NEGR1: variants seen among roughly 807,000 people sequenced by gnomAD.
NEGR1 encodes IgLON family member 4.
A neutral mutation model predicts 40.9 loss-of-function variants in NEGR1; 10 were observed. That is an observed-to-expected ratio of 0.24 (90% CI 0.15 to 0.42). The LOEUF (loss-of-function observed/expected upper bound fraction) is 0.42, where lower values mean the gene tolerates loss of function less well. Ranked by LOEUF, NEGR1 falls within the 10% of genes least tolerant of loss-of-function variation. NEGR1 has a pLI of 1.00. For missense variants in NEGR1, 352 were observed against 438.9 expected (o/e 0.80, Z 1.77); for synonymous variants, 185 against 166.8 (o/e 1.11, Z -0.84).
At chr1:71,868,471 A>AATACATACATACATAC (rs56859630) in intron 2 of NEGR1, among the ~76,000 whole-genome samples, 2 of 148,022 alleles carry the variant, frequency 1.4e-5, no homozygotes, top group African/African-American at 2.5e-5. Flanking sequence ...AGATAGACAG[A>AATACATACATACATAC]ATACATACAT....
intron 6 of NEGR1, among the ~76,000 whole-genome samples, chr1:71,486,036 A>G (rs1646885709): frequency 6.6e-6 from 1 of 151,642 alleles, no homozygotes; most frequent in Admixed American, 6.6e-5. Context: ...ACAATTTTGC[A>G]TGTCTACCAG....
At chr1:72,027,666 A>T (rs1646823763) in intron 1 of NEGR1, among the ~76,000 whole-genome samples, 1 of 152,242 alleles carries the variant, frequency 6.6e-6, no homozygotes. Flanking sequence ...TGTTAAAGCT[A>T]TATAAATAAT....
At chr1:71,831,972 G>T (rs111678799) in intron 2 of NEGR1, among the ~76,000 whole-genome samples, 23 of 151,878 alleles carry the variant, frequency 1.5e-4, no homozygotes, top group African/African-American at 5.1e-4. Context: ...GTTTTGAACG[G>T]GGAGTAACAG....
chr1:72,222,897 A>G (rs181487402), intron 1 of NEGR1, among the ~76,000 whole-genome samples: 1 of 152,254 alleles, frequency 6.6e-6, no homozygotes, highest in African/African-American at 2.4e-5. Flanking sequence ...GGTGTCAGAC[A>G]TGTGAGTGAA....
At chr1:71,627,826 T>C (rs1650837306) in intron 4 of NEGR1, among the ~76,000 whole-genome samples, 1 of 152,086 alleles carries the variant, frequency 6.6e-6, no homozygotes, top group South Asian at 2.1e-4. Context: ...GTTTGTTTTA[T>C]CTTCTGTTGA....
At chr1:71,450,471 G>A (rs1646618929) in intron 6 of NEGR1, among the ~76,000 whole-genome samples, 1 of 152,126 alleles carries the variant, frequency 6.6e-6, no homozygotes, top group Admixed American at 6.5e-5. Context: ...AATATTGAAA[G>A]AGATTTAATG....
At chr1:72,278,542 A>G (rs1453693633) in intron 1 of NEGR1, among the ~76,000 whole-genome samples, 1 of 152,108 alleles carries the variant, frequency 6.6e-6, no homozygotes, top group Non-Finnish European at 1.5e-5. Flanking sequence ...TATTAAAGTG[A>G]CTGCAAAATG....
intron 4 of NEGR1, among the ~76,000 whole-genome samples, chr1:71,647,521 T>C (rs1031699498): frequency 6.6e-6 from 1 of 151,894 alleles, no homozygotes; most frequent in Non-Finnish European, 1.5e-5. Context: ...CATAAGTAGA[T>C]GGTGTTAGTA....
chr1:71,914,713 C>T (rs533666802), intron 2 of NEGR1, among the ~76,000 whole-genome samples: 1 of 152,252 alleles, frequency 6.6e-6, no homozygotes, highest in Admixed American at 6.5e-5. Flanking sequence ...TTTGAGTAGC[C>T]TCCTGATGGG....
At chr1:71,507,989 A>G (rs1482076297) in intron 6 of NEGR1, among the ~76,000 whole-genome samples, 2 of 152,056 alleles carry the variant, frequency 1.3e-5, no homozygotes, top group African/African-American at 4.8e-5. Flanking sequence ...TCTCCCCCAC[A>G]AGTTATTATA....
intron 6 of NEGR1, among the ~76,000 whole-genome samples, chr1:71,568,452 T>TC (rs1385452168): frequency 6.6e-6 from 1 of 152,194 alleles, no homozygotes; most frequent in Non-Finnish European, 1.5e-5. Context: ...CCTGAGGACC[T>TC]TGGAGGTTAT....
chr1:71,922,379 A>G (rs1394513663), intron 2 of NEGR1, among the ~76,000 whole-genome samples: 1 of 152,224 alleles, frequency 6.6e-6, no homozygotes, highest in Non-Finnish European at 1.5e-5. Flanking sequence ...AACATAGAGC[A>G]TAGCAAGAGA....
intron 6 of NEGR1, among the ~76,000 whole-genome samples, chr1:71,572,447 G>C (rs752240111): frequency 2.0e-5 from 3 of 152,102 alleles, no homozygotes; most frequent in Admixed American, 6.5e-5. Context: ...TCAGTATTCT[G>C]AACAGAAAAT....
intron 3 of NEGR1, among the ~76,000 whole-genome samples, chr1:71,747,789 A>G (rs1655436521): frequency 6.6e-6 from 1 of 151,440 alleles, no homozygotes; most frequent in African/African-American, 2.4e-5. Context: ...TCTCATTTTT[A>G]TAATAATCTT....
At position 71,665,359 on chromosome 1, in the gene NEGR1, G is replaced by A. The variant is rs72942257; in HGVS notation, c.667+32649C>T. Among the ~76,000 whole-genome samples the A allele has an allele frequency of 5.0e-3, 762 of 152,216 alleles. 4 individuals are homozygous for A. The highest frequency in any genetic ancestry group is 0.017 in the African/African-American group (726 of 41,544). On this transcript the variant is annotated intron_variant, in intron 4 of 6. Coordinates refer to ENST00000357731, the MANE Select transcript of NEGR1 (RefSeq NM_173808.3). ...GTGGAGTTCCTGCAAAGAAAATAGA[G>A]GTATATGTTAAACATGGGGAAATGG...
At chr1:72,177,250 C>A (rs755238570) in intron 1 of NEGR1, among the ~76,000 whole-genome samples, 1 of 151,852 alleles carries the variant, frequency 6.6e-6, no homozygotes, top group Non-Finnish European at 1.5e-5. Context: ...TTTTAGCAAC[C>A]GACAGAGTAA....
At chr1:71,861,750 A>G (rs1480026384) in intron 2 of NEGR1, among the ~76,000 whole-genome samples, 3 of 152,132 alleles carry the variant, frequency 2.0e-5, no homozygotes, top group Non-Finnish European at 2.9e-5. Context: ...TAGGAGCATA[A>G]TGCAGTCACA....
At chr1:72,011,291 T>C (rs1334143043) in intron 1 of NEGR1, among the ~76,000 whole-genome samples, 1 of 152,076 alleles carries the variant, frequency 6.6e-6, no homozygotes, top group East Asian at 1.9e-4. Context: ...CTGAATAAGA[T>C]GCAGTTGGTA....
Position 72,217,296 on chromosome 1 carries a change from C to A in NEGR1, c.176+65023G>T, listed in dbSNP as rs1186918832. Among the ~76,000 whole-genome samples the A allele has an allele frequency of 3.3e-5, 5 of 150,482 alleles. No homozygotes were observed. In the East Asian group the frequency reaches 7.8e-4, roughly 23 times the overall value. On this transcript the variant is annotated intron_variant, in intron 1 of 6. Transcript: ENST00000357731. ...GAAAATAAACATTTTAAACCCAAGG[C>A]ATAATAAAAAAATTTCACATTTAAA...
Sources: gnomAD v4.1 joint callset for allele counts (sites outside exome capture counted in the v4.1 genomes callset) on GRCh38, gnomAD v4.1.1 for gene constraint, MANE v1.5 for transcripts, NCBI Gene and HGNC (gene_info 2026-07-23, HGNC 2026-07-21) for gene names.